The following SCHIP1 variants were observed in gnomAD, a reference collection of about 807,000 sequenced individuals.
SCHIP1 encodes the protein schwannomin interacting protein 1, also known as schwannomin-interacting protein 1.
In SCHIP1, 8 loss-of-function variants were observed where a neutral mutation model predicts 29.7. The ratio of observed to expected loss-of-function variants is 0.27; its 90% confidence interval spans 0.16 to 0.49. SCHIP1 has a LOEUF of 0.49. Among genes scored for constraint, SCHIP1 ranks in the 20% least tolerant of loss-of-function variants. The probability of loss-of-function intolerance (pLI) is 0.99; values close to 1 mark genes in which losing one functional copy is unlikely to be tolerated. For synonymous variants in SCHIP1, 76 were observed against 94.9 expected (o/e 0.80, Z 1.16); for missense variants, 193 against 294.6 (o/e 0.66, Z 2.52).
At chr3:159,533,404 T>C in the SCHIP1 span, among the ~76,000 whole-genome samples, 106 of 152,276 alleles carry the variant, frequency 7.0e-4, no homozygotes, top group African/African-American at 2.4e-3. Flanking sequence ...ATCCCAACCC[T>C]GCAGGGTTGG....
the SCHIP1 span, among the ~76,000 whole-genome samples, chr3:159,394,157 T>C: frequency 5.3e-5 from 8 of 149,760 alleles, no homozygotes; most frequent in African/African-American, 2.0e-4. Flanking sequence ...TTTTTGTACA[T>C]TGATTTTGTA....
the SCHIP1 span, among the ~76,000 whole-genome samples, chr3:159,586,335 G>A: frequency 6.6e-6 from 1 of 152,160 alleles, no homozygotes; most frequent in South Asian, 2.1e-4. Flanking sequence ...GGATGAACCA[G>A]CTTTGCCTCA....
the SCHIP1 span, among the ~76,000 whole-genome samples, chr3:159,368,951 A>G: frequency 6.6e-6 from 1 of 152,224 alleles, no homozygotes; most frequent in Non-Finnish European, 1.5e-5. Context: ...AAGTCAGGAC[A>G]ACCACTATTC....
chr3:159,881,183 G>T (rs1278964338), intron 2 of SCHIP1, among the ~76,000 whole-genome samples: 2 of 152,122 alleles, frequency 1.3e-5, no homozygotes, highest in South Asian at 4.1e-4. Flanking sequence ...CAGATTCTCA[G>T]AAAAATGAAA....
the SCHIP1 span, among the ~76,000 whole-genome samples, chr3:159,605,789 A>C: frequency 6.6e-6 from 1 of 152,180 alleles, no homozygotes; most frequent in Non-Finnish European, 1.5e-5. Flanking sequence ...TGATCATATA[A>C]AGAAATTACC....
chr3:159,775,053 A>G, the SCHIP1 span, among the ~76,000 whole-genome samples: 1 of 152,194 alleles, frequency 6.6e-6, no homozygotes, highest in Non-Finnish European at 1.5e-5. Context: ...TAGTAGACCC[A>G]AACAAAAAGC....
the SCHIP1 span, among the ~76,000 whole-genome samples, chr3:159,533,543 A>C: frequency 6.6e-6 from 1 of 152,178 alleles, no homozygotes; most frequent in African/African-American, 2.4e-5. Flanking sequence ...AAGCTTTTCA[A>C]ATTCATAACT....
the SCHIP1 span, among the ~76,000 whole-genome samples, chr3:159,750,261 GTGTATATATATATA>G: frequency 7.8e-3 from 92 of 11,812 alleles, no homozygotes; most frequent in African/African-American, 0.014. Flanking sequence ...GTATGTGTGT[GTGTATATATATATA>G]TATATATATA....
the SCHIP1 span, chr3:159,274,402 T>A: frequency 1.0e-6 from 1 of 956,916 alleles, no homozygotes; most frequent in African/African-American, 1.8e-5. Context: ...AATCTCAAAT[T>A]TATTGGTATG....
chr3:159,405,876 C>CCG, the SCHIP1 span, among the ~76,000 whole-genome samples: 1 of 126,522 alleles, frequency 7.9e-6, no homozygotes, highest in African/African-American at 3.4e-5. Context: ...GAGTGAGACT[C>CCG]TGTCAAAAAA....
the SCHIP1 span, among the ~76,000 whole-genome samples, chr3:159,434,224 C>A: frequency 6.6e-6 from 1 of 152,270 alleles, no homozygotes; most frequent in Non-Finnish European, 1.5e-5. Context: ...CCTAGACAGA[C>A]ACTATCTTTG....
intron 2 of SCHIP1, among the ~76,000 whole-genome samples, chr3:159,879,756 T>C (rs1314862586): frequency 5.3e-5 from 8 of 152,176 alleles, no homozygotes; most frequent in Non-Finnish European, 1.2e-4. Flanking sequence ...AAATGGACAC[T>C]GATGTAGAAT....
chr3:159,781,141 G>C, the SCHIP1 span, among the ~76,000 whole-genome samples: 1 of 152,280 alleles, frequency 6.6e-6, no homozygotes, highest in African/African-American at 2.4e-5. Context: ...GAGTTCTGTG[G>C]GGGTAAATGT....
At chr3:159,795,110 A>G in the SCHIP1 span, among the ~76,000 whole-genome samples, 1 of 152,194 alleles carries the variant, frequency 6.6e-6, no homozygotes, top group Non-Finnish European at 1.5e-5. Flanking sequence ...GAGCTGCGAT[A>G]TAGATGTGGT....
chr3:159,679,207 A>G, the SCHIP1 span, among the ~76,000 whole-genome samples: 2 of 152,188 alleles, frequency 1.3e-5, no homozygotes, highest in Admixed American at 6.5e-5. Flanking sequence ...TTTAAAATTT[A>G]GAGAGGGCTT....
At chr3:159,868,519 G>A (rs1714902752) in intron 2 of SCHIP1, among the ~76,000 whole-genome samples, 1 of 151,946 alleles carries the variant, frequency 6.6e-6, no homozygotes, top group South Asian at 2.1e-4. Flanking sequence ...TCGCTTCTCA[G>A]CCTTTTAGCT....
chr3:159,444,887 T>C, the SCHIP1 span, among the ~76,000 whole-genome samples: 1 of 152,150 alleles, frequency 6.6e-6, no homozygotes, highest in African/African-American at 2.4e-5. Context: ...TAACCTGATG[T>C]TGAGGGAGTG....
the SCHIP1 span, among the ~76,000 whole-genome samples, chr3:159,426,908 A>C: frequency 6.6e-6 from 1 of 152,230 alleles, no homozygotes; most frequent in Non-Finnish European, 1.5e-5. Context: ...GTAATCCAGC[A>C]TATAAACAGA....
At chr3:159,635,921 G>C in the SCHIP1 span, among the ~76,000 whole-genome samples, 1 of 152,092 alleles carries the variant, frequency 6.6e-6, no homozygotes, top group Non-Finnish European at 1.5e-5. Context: ...GAAAGTATAC[G>C]CCTTGTACTT....
Sources: allele counts gnomAD v4.1 joint callset (sites outside exome capture counted in the v4.1 genomes callset), GRCh38; gene constraint gnomAD v4.1.1; transcripts MANE v1.5; gene names NCBI Gene and HGNC (gene_info 2026-07-23, HGNC 2026-07-21).